CEP120: variants seen among roughly 807,000 people sequenced by gnomAD.
CEP120 encodes the protein centrosomal protein 120.
Under a neutral mutation model 126.5 loss-of-function variants are expected in CEP120, and 113 were observed. The ratio of observed to expected loss-of-function variants is 0.89; its 90% CI spans 0.77 to 1.04. The LOEUF (loss-of-function observed/expected upper bound fraction) is 1.04, where lower values mean the gene tolerates loss of function less well. Among genes scored for constraint, CEP120 ranks in the 50% least tolerant of loss-of-function variants. The pLI, the probability that CEP120 is intolerant of heterozygous loss-of-function variation, is 0.00. For synonymous variants in CEP120, 400 were observed against 394.3 expected (o/e 1.01, Z -0.17); for missense variants, 1,230 against 1,155.7 (o/e 1.06, Z -0.93).
chr5:123,359,543 T>C (rs561711268), intron 18 of CEP120, among the ~76,000 whole-genome samples: 1 of 152,076 alleles, frequency 6.6e-6, no homozygotes, highest in Non-Finnish European at 1.5e-5. Context: ...AATATTTCTA[T>C]AGTATATCTT....
intron 18 of CEP120, among the ~76,000 whole-genome samples, chr5:123,356,128 T>C (rs1769599325): frequency 1.3e-5 from 2 of 152,270 alleles, no homozygotes; most frequent in Non-Finnish European, 1.5e-5. Context: ...TTCTGTTCCA[T>C]TGGTCTATAT....
At chr5:123,401,407 C>G in intron 4 of CEP120, 1 of 1,440,252 alleles carries the variant, frequency 6.9e-7, no homozygotes, top group Non-Finnish European at 9.8e-7. Context: ...GGCTGATGTT[C>G]CGGTTCATCT....
At position 123,345,280 on chromosome 5, in the gene CEP120, AATATATAAT is replaced by A. The variant is rs1269523893; in HGVS notation, c.*1230_*1238del. The A allele has an allele frequency of 6.6e-6, 1 of 152,118 alleles. No homozygotes were observed. Among genetic ancestry groups the A allele is most frequent in the Non-Finnish European group, 1.5e-5 (1 of 68,012 alleles). 9.4% of individuals were successfully genotyped at this position (152,118 alleles called of 1,614,324 possible). A position where few individuals can be genotyped will look rare whatever the true frequency, so the allele number is the denominator to read the frequency against. On this transcript the variant is annotated 3_prime_UTR_variant, in exon 20 of 20. Transcript: ENST00000306467. ...ATTAATACTCTGTTAATAAGGAAAA[AATATATAAT>A]AAATATAGGGACTTTAATTTCCCTA...
At chr5:123,361,318 T>G (rs1193816636) in intron 18 of CEP120, among the ~76,000 whole-genome samples, 1 of 151,814 alleles carries the variant, frequency 6.6e-6, no homozygotes, top group African/African-American at 2.4e-5. Flanking sequence ...TTTCTAATAC[T>G]TGCTGACTTC....
In CEP120 at chr5:123,346,574, C is replaced by T; in HGVS notation, c.2906G>A (p.Ser969Asn). 1 of 1,613,860 alleles carries T rather than the reference C, an allele frequency of 6.2e-7. No individual in the cohort carries two copies. The highest frequency in any genetic ancestry group is 8.5e-7 in the Non-Finnish European group (1 of 1,179,932). Residue 969 changes from serine to asparagine, a missense_variant, in exon 20 of 20, where the codon AGT becomes AAT. Physicochemically the swap from Ser to Asn is conservative, Grantham distance 46. Coordinates refer to ENST00000306467, the MANE Select transcript of CEP120 (RefSeq NM_001375405.1). ...CTCTCTGATCTGTCGGTCGAGTTCA[C>T]TTATTATTCGATCCTCGTGATTATA... ...GVYNHEDRII[S>N]ELDRQIREIL...
At chr5:123,400,515 T>C (rs915507724) in intron 4 of CEP120, among the ~76,000 whole-genome samples, 3 of 152,010 alleles carry the variant, frequency 2.0e-5, no homozygotes, top group Non-Finnish European at 2.9e-5. Flanking sequence ...CTTGCGGTGC[T>C]GGAATGGAAT....
chr5:123,351,975 AT>A lies in CEP120; in HGVS notation c.2581-1887del, dbSNP rs113921140. On this transcript the variant is annotated intron_variant, in intron 18 of 19. Coordinates refer to ENST00000306467, the MANE Select transcript of CEP120 (RefSeq NM_001375405.1). ...ATTCTTGCCAACACTTCATAATGTC[AT>A]TTTTTTTCATTTTAGCCATTTGACA... Among the ~76,000 whole-genome samples, 908 of 151,620 alleles carry A rather than the reference AT, an allele frequency of 6.0e-3. 8 individuals are homozygous for A. The highest frequency in any genetic ancestry group is 0.02 in the African/African-American group (840 of 41,376).
At chr5:123,392,637 A>G (rs1362370106) in intron 6 of CEP120, among the ~76,000 whole-genome samples, 1 of 152,090 alleles carries the variant, frequency 6.6e-6, no homozygotes, top group Non-Finnish European at 1.5e-5. Context: ...CACCCTCCCG[A>G]GTAGTTAAGA....
intron 18 of CEP120, among the ~76,000 whole-genome samples, chr5:123,354,257 T>G (rs1769405695): frequency 6.6e-6 from 1 of 152,138 alleles, no homozygotes. Context: ...ATCACTGTGG[T>G]CAGAGAACAT....
At chr5:123,392,845 AG>A (rs1259830009) in intron 6 of CEP120, among the ~76,000 whole-genome samples, 1 of 152,166 alleles carries the variant, frequency 6.6e-6, no homozygotes, top group Non-Finnish European at 1.5e-5. Context: ...ATTCAAAAAT[AG>A]TTCATAAAAA....
intron 4 of CEP120, chr5:123,401,024 G>A (rs1341615953): frequency 2.0e-5 from 32 of 1,563,630 alleles, no homozygotes; most frequent in South Asian, 2.0e-4. Flanking sequence ...AGGAGCTGGC[G>A]CCCAGGCCGT....
In CEP120 at chr5:123,408,225, G is replaced by A. The variant is rs192145041; in HGVS notation, c.463+4174C>T. Among the ~76,000 whole-genome samples, 378 of 152,052 alleles carry A rather than the reference G, an allele frequency of 2.5e-3. 4 individuals are homozygous for A. Among genetic ancestry groups the A allele is most frequent in the African/African-American group, 8.7e-3 (361 of 41,466 alleles). Reference sequence around the variant, plus strand: ...GCTTCCACCTTAGGAAACCAGAAAAGGAGCAAATTAGGTCCAAGTAAGCAG... The same window carrying A: ...GCTTCCACCTTAGGAAACCAGAAAAAGAGCAAATTAGGTCCAAGTAAGCAG... On this transcript the variant is annotated intron_variant, in intron 4 of 19. Transcript: ENST00000306467.
At chr5:123,422,860 G>T in intron 1 of CEP120, 90 bp downstream of exon 1, 4 of 1,181,726 alleles carry the variant, frequency 3.4e-6, no homozygotes, top group Non-Finnish European at 5.1e-6. Context: ...CAGATGACAG[G>T]GTTCTTAAGG....
chr5:123,351,829 G>A (rs1769217215), intron 18 of CEP120, among the ~76,000 whole-genome samples: 1 of 151,156 alleles, frequency 6.6e-6, no homozygotes, highest in African/African-American at 2.4e-5. Flanking sequence ...TGTCCTGTCA[G>A]GGCTCAAAAA....
intron 16 of CEP120, among the ~76,000 whole-genome samples, chr5:123,376,971 T>C (rs1771271759): frequency 6.6e-6 from 1 of 151,692 alleles, no homozygotes; most frequent in Admixed American, 6.6e-5. Context: ...GAAGAGAAAA[T>C]ACAAAAACAA....
chr5:123,383,735 T>C (rs756687723), intron 11 of CEP120, among the ~76,000 whole-genome samples: 1 of 152,140 alleles, frequency 6.6e-6, no homozygotes, highest in Admixed American at 6.6e-5. Context: ...TATATGTTAG[T>C]ATGAGCATAA....
intron 17 of CEP120, among the ~76,000 whole-genome samples, chr5:123,364,829 A>G (rs1770339919): frequency 6.6e-6 from 1 of 151,650 alleles, no homozygotes; most frequent in Admixed American, 6.6e-5. Flanking sequence ...GAACTGAATT[A>G]GTCTTAACCT....
intron 3 of CEP120, among the ~76,000 whole-genome samples, chr5:123,413,073 C>A (rs1774165488): frequency 6.6e-6 from 1 of 151,966 alleles, no homozygotes; most frequent in Non-Finnish European, 1.5e-5. Context: ...TCAAGACCAG[C>A]CTGGGCAACA....
rs868580027 is a variant in CEP120 at position 123,372,556 on chromosome 5, C to G, written c.2481+94G>C. ...ATTCTTATTTGACATCAGAACACTACAGCAAAACATTATTATATTGTATAC... is the reference window on the plus strand; with the variant it reads ...ATTCTTATTTGACATCAGAACACTAGAGCAAAACATTATTATATTGTATAC... On this transcript the variant is annotated intron_variant, in intron 17 of 19. Transcript: ENST00000306467. 111 of 1,276,202 alleles carry G rather than the reference C, an allele frequency of 8.7e-5. No individual in the cohort carries two copies. In the Middle Eastern group the frequency reaches 3.5e-3, roughly 40 times the overall value. 79.1% of individuals were successfully genotyped at this position (1,276,202 alleles called of 1,614,324 possible).
Sources: allele counts gnomAD v4.1 joint callset (sites outside exome capture counted in the v4.1 genomes callset), GRCh38; gene constraint gnomAD v4.1.1; transcripts MANE v1.5; gene names NCBI Gene and HGNC (gene_info 2026-07-23, HGNC 2026-07-21).